ITGA11: variants seen among roughly 807,000 people sequenced by gnomAD.
The protein encoded by ITGA11 is integrin alpha-11.
Under a neutral mutation model 141.9 loss-of-function variants are expected in ITGA11, and 97 were observed. That is an observed-to-expected ratio of 0.68 (90% CI 0.58 to 0.81). ITGA11 has a LOEUF of 0.81. Among genes scored for constraint, ITGA11 ranks in the 30% least tolerant of loss-of-function variants. The pLI is 0.00. For synonymous variants in ITGA11, 658 were observed against 624.6 expected (o/e 1.05, Z -0.80); for missense variants, 1,387 against 1,559.2 (o/e 0.89, Z 1.86).
chr15:68,326,548 G>T lies in ITGA11; in HGVS notation c.2211+106C>A. 1.5e-6 allele frequency: 2 copies of T among 1,295,834 alleles called. No homozygotes were observed. Among genetic ancestry groups the T allele is most frequent in the Non-Finnish European group, 2.1e-6 (2 of 959,898 alleles). 80.3% of individuals were successfully genotyped at this position (1,295,834 alleles called of 1,614,324 possible). ...ACACTGTCCCTGGCTGGCTTCCTGA[G>T]GTCTGCTGGGGGCTTAGAACCAGCC... On this transcript the variant is annotated intron_variant, in intron 17 of 29. Coordinates refer to ENST00000315757, the MANE Select transcript of ITGA11 (RefSeq NM_001004439.2). The surrounding 1 kb of genome is among the most constrained non-coding windows in gnomAD (Gnocchi z 6.8).
chr15:68,331,997 G>T lies in ITGA11; in HGVS notation c.1632C>A (p.Ser544=). ...TGAGGTCTCGAACTGAGGCAATGGAGGACCCAAATCGGGCATTCTGGTAAC... is the reference window on the plus strand; with the variant it reads ...TGAGGTCTCGAACTGAGGCAATGGATGACCCAAATCGGGCATTCTGGTAAC... The part of the protein sequence containing the change: ...SHSYQNARFG[S]SIASVRDLNQ... The change falls in exon 14 of 30, where the codon TCC becomes TCA. Residue 544 remains serine, a synonymous_variant. Transcript: ENST00000315757. 1 of 1,612,514 alleles carries T rather than the reference G, an allele frequency of 6.2e-7. No homozygotes were observed. The highest frequency in any genetic ancestry group is 8.5e-7 in the Non-Finnish European group (1 of 1,179,304).
chr15:68,306,378 T>G (rs1023367100), intron 28 of ITGA11, among the ~76,000 whole-genome samples: 7 of 151,890 alleles, frequency 4.6e-5, no homozygotes, highest in Non-Finnish European at 8.8e-5. Context: ...GTACCACACC[T>G]CCCTCTCTTG....
intron 5 of ITGA11, among the ~76,000 whole-genome samples, chr15:68,361,219 C>T (rs4776397): frequency 0.67 from 102,588 of 152,010 alleles, 36,148 homozygotes; most frequent in East Asian, 0.87. Context: ...TCAGGGGGCG[C>T]CATTCATATG....
At chr15:68,389,194 T>C (rs968404443) in intron 2 of ITGA11, among the ~76,000 whole-genome samples, 1 of 152,222 alleles carries the variant, frequency 6.6e-6, no homozygotes, top group African/African-American at 2.4e-5. Context: ...CACAGCCTCA[T>C]GCTGTTGGAA....
At chr15:68,403,768 G>A (rs1595893567) in intron 1 of ITGA11, among the ~76,000 whole-genome samples, 1 of 152,060 alleles carries the variant, frequency 6.6e-6, no homozygotes, top group Admixed American at 6.5e-5. Flanking sequence ...CCAAGGAGCT[G>A]AGACTGCAGG....
At chr15:68,415,578 C>T (rs975508664) in intron 1 of ITGA11, among the ~76,000 whole-genome samples, 22 of 152,308 alleles carry the variant, frequency 1.4e-4, no homozygotes, top group East Asian at 3.9e-4. Flanking sequence ...CTGCTGCTTC[C>T]GGCAGGGAGT....
intron 2 of ITGA11, among the ~76,000 whole-genome samples, chr15:68,374,147 A>AG (rs1895668418): frequency 6.6e-6 from 1 of 152,348 alleles, no homozygotes; most frequent in African/African-American, 2.4e-5. Flanking sequence ...CATATCCCCT[A>AG]GCTCATGCTC....
At chr15:68,379,373 A>G (rs1471452952) in intron 2 of ITGA11, among the ~76,000 whole-genome samples, 1 of 152,232 alleles carries the variant, frequency 6.6e-6, no homozygotes, top group East Asian at 1.9e-4. Context: ...ATTTGCCTGT[A>G]GATAGCAGAG....
rs543766007 is a variant in ITGA11 at position 68,431,964 on chromosome 15, G to A, written c.52+51C>T. On this transcript the variant is annotated intron_variant, in intron 1 of 29. Coordinates refer to ENST00000315757, the MANE Select transcript of ITGA11 (RefSeq NM_001004439.2). ...TGGCCGCTGGATCCAAGCCCCGAGG[G>A]CCCAGGGAGGGACTCCGAGAGGCAA... is the stretch of plus-strand genomic sequence containing the variant. 3.9e-5 allele frequency: 48 copies of A among 1,223,164 alleles called. 2 individuals carry two copies. The African/African-American group carries it at 5.7e-4, about 14-fold the overall frequency. 75.8% of individuals were successfully genotyped at this position (1,223,164 alleles called of 1,614,324 possible).
Position 68,307,275 on chromosome 15 carries a change from T to C in ITGA11, c.3381+73A>G. ...AGCCAGGGGTTGTAGGAAAACTCTA[T>C]AGAGGAGCACGGCCAACCCTTTCCC... On this transcript the variant is annotated intron_variant, in intron 28 of 29. Transcript: ENST00000315757. This position sits in a 1 kb window ranked among gnomAD's most constrained non-coding sequence, Gnocchi z 6.1. 2 of 1,095,514 alleles carry C rather than the reference T, an allele frequency of 1.8e-6. No homozygotes were observed. Among genetic ancestry groups the C allele is most frequent in the East Asian group, 2.6e-5 (1 of 38,812 alleles). 67.9% of individuals were successfully genotyped at this position (1,095,514 alleles called of 1,614,324 possible).
In ITGA11 at chr15:68,325,340, TGGCAG is replaced by T; in HGVS notation, c.2212-104_2212-100del. The stretch of plus-strand genomic sequence containing the variant: ...AGATAGAACTTCCACCTTCCTTAGA[TGGCAG>T]GGCAGCTGCCCTGTGCCCTCAGGGT... On this transcript the variant is annotated intron_variant, in intron 17 of 29. Coordinates refer to ENST00000315757, the MANE Select transcript of ITGA11 (RefSeq NM_001004439.2). This position sits in a 1 kb window ranked among gnomAD's most constrained non-coding sequence, Gnocchi z 5.5. 7.4e-6 allele frequency: 6 copies of T among 813,862 alleles called. No individual in the cohort carries two copies. The highest frequency in any genetic ancestry group is 2.2e-4 in the Middle Eastern group (1 of 4,490). The allele number at this position is 813,862 out of a possible 1,614,324, so 50.4% of individuals were successfully genotyped here.
intron 13 of ITGA11, 122 bp from the exon 14 acceptor site, chr15:68,332,184 G>A: frequency 8.1e-7 from 1 of 1,239,986 alleles, no homozygotes; most frequent in Non-Finnish European, 1.1e-6. Context: ...CCCCGTCTCT[G>A]GCTATATGAA....
intron 10 of ITGA11, among the ~76,000 whole-genome samples, chr15:68,347,693 A>AT (rs577922753): frequency 3.9e-5 from 6 of 151,910 alleles, no homozygotes; most frequent in African/African-American, 1.2e-4. Flanking sequence ...CGAGACTAAT[A>AT]TTTTTTCTGA....
intron 1 of ITGA11, among the ~76,000 whole-genome samples, chr15:68,422,142 C>G (rs1252141886): frequency 6.6e-6 from 1 of 152,186 alleles, no homozygotes; most frequent in Non-Finnish European, 1.5e-5. Flanking sequence ...CCCTCTCACT[C>G]AGGCCCGCAC....
intron 20 of ITGA11, among the ~76,000 whole-genome samples, 188 bp from the exon 21 acceptor site, chr15:68,317,551 T>G (rs1516870): frequency 0.99 from 150,338 of 152,234 alleles, 74,261 homozygotes; most frequent in Middle Eastern, 1. Context: ...CCAGGGTGTG[T>G]CTTGGTTCCT....
intron 3 of ITGA11, among the ~76,000 whole-genome samples, 152 bp from the exon 4 acceptor site, chr15:68,364,950 C>CGTACTCTCA (rs1479759964): frequency 6.6e-6 from 1 of 152,152 alleles, no homozygotes; most frequent in Non-Finnish European, 1.5e-5. Context: ...CTTCCCCAGA[C>CGTACTCTCA]GTACTCTCAG....
chr15:68,395,292 CACCAGCAATGGAA>C (rs1238102448), intron 2 of ITGA11, among the ~76,000 whole-genome samples: 1 of 152,182 alleles, frequency 6.6e-6, no homozygotes, highest in Non-Finnish European at 1.5e-5. Context: ...CGCAGATCCT[CACCAGCAATGGAA>C]CAAAGCTGGA....
Position 68,304,356 on chromosome 15 carries a change from C to T in ITGA11, c.3382-471G>A, listed in dbSNP as rs115966781. ...CCAAGGCCCATAACACTTTTAGGAG[C>T]CCATGAAAATGTTTACATTTCTTTT... On this transcript the variant is annotated intron_variant, in intron 28 of 29. Coordinates refer to ENST00000315757, the MANE Select transcript of ITGA11 (RefSeq NM_001004439.2). This position sits in a 1 kb window ranked among gnomAD's most constrained non-coding sequence, Gnocchi z 6.1. Among the ~76,000 whole-genome samples, 1,294 of 152,252 alleles carry T rather than the reference C, an allele frequency of 8.5e-3. 14 individuals carry two copies. The highest frequency in any genetic ancestry group is 0.03 in the African/African-American group (1,229 of 41,536).
intron 2 of ITGA11, among the ~76,000 whole-genome samples, chr15:68,377,302 C>T (rs547927434): frequency 1.1e-4 from 16 of 152,208 alleles, no homozygotes; most frequent in African/African-American, 3.4e-4. Context: ...GACAGAGTAT[C>T]GCTCTGTTGC....
Sources: allele counts gnomAD v4.1 joint callset (sites outside exome capture counted in the v4.1 genomes callset), GRCh38; gene constraint gnomAD v4.1.1; non-coding constraint Gnocchi (gnomAD v3.1); transcripts MANE v1.5; gene names NCBI Gene and HGNC (gene_info 2026-07-23, HGNC 2026-07-21).